Variants in ELMOD1 observed in about 807,000 individuals in gnomAD.
ELMOD1 encodes ELMO domain-containing protein 1.
Under a neutral mutation model 46.7 loss-of-function variants are expected in ELMOD1, and 21 were observed. The observed-to-expected ratio is 0.45, with a 90% CI of 0.32 to 0.65. ELMOD1 has a LOEUF of 0.65. Ranked by LOEUF, ELMOD1 falls within the 30% of genes least tolerant of loss-of-function variation. ELMOD1 has a pLI of 0.04. For missense variants in ELMOD1, 348 were observed against 407.8 expected (o/e 0.85, Z 1.26); for synonymous variants, 122 against 138.2 (o/e 0.88, Z 0.82).
chr11:107,658,996 G>A (rs140334326), intron 11 of ELMOD1, among the ~76,000 whole-genome samples: 5 of 152,176 alleles, frequency 3.3e-5, no homozygotes, highest in African/African-American at 9.7e-5. Context: ...TGGAAGTCAG[G>A]GAAGTTTCTC....
At chr11:107,635,607 T>C in intron 5 of ELMOD1, 29 bp from the exon 6 acceptor site, 3 of 1,602,584 alleles carry the variant, frequency 1.9e-6, no homozygotes, top group South Asian at 2.2e-5. Flanking sequence ...TTCTTCCTTG[T>C]GTGTCTCTTC....
chr11:107,636,857 C>G (rs1245445713), intron 6 of ELMOD1, among the ~76,000 whole-genome samples: 1 of 150,608 alleles, frequency 6.6e-6, no homozygotes, highest in Non-Finnish European at 1.5e-5. Context: ...CTTTTTTTTT[C>G]TGGCCATTTT....
At chr11:107,591,938 T>G (rs1239742459) in intron 1 of ELMOD1, 1 of 513,962 alleles carries the variant, frequency 1.9e-6, no homozygotes, top group Admixed American at 2.1e-5. Flanking sequence ...GCTGTTGAGC[T>G]GCGCCTCCTC....
intron 11 of ELMOD1, among the ~76,000 whole-genome samples, chr11:107,656,475 A>G (rs1866635574): frequency 6.7e-6 from 1 of 148,410 alleles, no homozygotes; most frequent in Admixed American, 6.8e-5. Context: ...TGTATTTTAT[A>G]TATATAATAT....
chr11:107,656,606 AT>A (rs1333144323), intron 11 of ELMOD1, among the ~76,000 whole-genome samples: 1 of 149,840 alleles, frequency 6.7e-6, no homozygotes, highest in Non-Finnish European at 1.5e-5. Context: ...TTTGGTTCTG[AT>A]TTTTTTGTTT....
intron 5 of ELMOD1, among the ~76,000 whole-genome samples, chr11:107,633,045 G>T (rs144707812): frequency 0.023 from 3,542 of 152,276 alleles, 133 homozygotes; most frequent in African/African-American, 0.078. Flanking sequence ...TTCAGGCTAT[G>T]TGTATAAGTT....
intron 1 of ELMOD1, among the ~76,000 whole-genome samples, chr11:107,611,613 G>A (rs1865781674): frequency 6.6e-6 from 1 of 150,430 alleles, no homozygotes; most frequent in South Asian, 2.1e-4. Context: ...GCTGAAGCAG[G>A]AGAATGGCGT....
At chr11:107,619,024 G>T (rs535950898) in intron 2 of ELMOD1, among the ~76,000 whole-genome samples, 1 of 151,944 alleles carries the variant, frequency 6.6e-6, no homozygotes, top group Non-Finnish European at 1.5e-5. Context: ...TCTTTCACTC[G>T]GGCCTGTTTT....
At chr11:107,592,174 G>A (rs1865410797) in intron 1 of ELMOD1, 7 of 376,544 alleles carry the variant, frequency 1.9e-5, no homozygotes, top group South Asian at 1.4e-4. Context: ...TAAGCGGCGA[G>A]TTCGGTAACA....
chr11:107,612,990 T>C (rs1865805009), intron 1 of ELMOD1, among the ~76,000 whole-genome samples: 1 of 152,090 alleles, frequency 6.6e-6, no homozygotes, highest in South Asian at 2.1e-4. Context: ...GAACTAATGG[T>C]TATTTTCCTT....
At chr11:107,613,898 CCCAAATCTTTGTTT>C (rs1302582982) in intron 1 of ELMOD1, among the ~76,000 whole-genome samples, 1 of 152,164 alleles carries the variant, frequency 6.6e-6, no homozygotes, top group Non-Finnish European at 1.5e-5. Context: ...GCTGAGGAAG[CCCAAATCTTTGTTT>C]CCAACCTGTG....
intron 6 of ELMOD1, 30 bp downstream of exon 6, chr11:107,635,795 C>T: frequency 6.3e-7 from 1 of 1,593,006 alleles, no homozygotes; most frequent in Non-Finnish European, 8.6e-7. Flanking sequence ...TCGGTTCTTC[C>T]TCTAAGTCAG....
At chr11:107,599,751 A>AAAAAAAAT (rs1865561024) in intron 1 of ELMOD1, among the ~76,000 whole-genome samples, 1 of 141,256 alleles carries the variant, frequency 7.1e-6, no homozygotes, top group Non-Finnish European at 1.5e-5. Context: ...AAAAAAAAAA[A>AAAAAAAAT]GAAAAAAAGA....
chr11:107,598,378 C>T (rs1340393033), intron 1 of ELMOD1, among the ~76,000 whole-genome samples: 3 of 152,180 alleles, frequency 2.0e-5, no homozygotes, highest in African/African-American at 4.8e-5. Context: ...TTCAGGCCCT[C>T]GATGGCTTGA....
chr11:107,632,346 T>A (rs1866155255), intron 5 of ELMOD1, among the ~76,000 whole-genome samples: 1 of 152,128 alleles, frequency 6.6e-6, no homozygotes, highest in South Asian at 2.1e-4. Context: ...TTAGAGAAGG[T>A]TTTAGGTTGG....
At chr11:107,616,112 C>T (rs557345376) in intron 1 of ELMOD1, among the ~76,000 whole-genome samples, 10 of 149,476 alleles carry the variant, frequency 6.7e-5, no homozygotes, top group Non-Finnish European at 1.2e-4. Context: ...TCTCCTGCCT[C>T]AGCCTCCCAA....
At chr11:107,603,214 A>G (rs1488472306) in intron 1 of ELMOD1, among the ~76,000 whole-genome samples, 1 of 152,214 alleles carries the variant, frequency 6.6e-6, no homozygotes, top group Admixed American at 6.5e-5. Flanking sequence ...AAGATGGAGA[A>G]GGAGACATAG....
intron 1 of ELMOD1, among the ~76,000 whole-genome samples, chr11:107,610,998 CAAAAAAAAAA>C (rs58417281): frequency 1.7e-4 from 16 of 95,776 alleles, no homozygotes; most frequent in African/African-American, 5.4e-4. Flanking sequence ...TGTAAGAATC[CAAAAAAAAAA>C]AAAAAAAAAG....
At chr11:107,618,489 G>C (rs1865897235) in intron 2 of ELMOD1, among the ~76,000 whole-genome samples, 1 of 152,174 alleles carries the variant, frequency 6.6e-6, no homozygotes, top group South Asian at 2.1e-4. Flanking sequence ...TCTGCACAGT[G>C]GTACACCGCT....
Sources: gnomAD v4.1 joint callset for allele counts (sites outside exome capture counted in the v4.1 genomes callset) on GRCh38, gnomAD v4.1.1 for gene constraint, MANE v1.5 for transcripts, NCBI Gene and HGNC (gene_info 2026-07-23, HGNC 2026-07-21) for gene names.